Variants in LRP1B observed in about 807,000 individuals in gnomAD.
LRP1B encodes the protein LDL receptor related protein 1B.
Under a neutral mutation model 556.6 loss-of-function variants are expected in LRP1B, and 217 were observed. The observed-to-expected ratio is 0.39, with a 90% CI of 0.35 to 0.44. The LOEUF is 0.44. Ranked by LOEUF, LRP1B falls within the 20% of genes least tolerant of loss-of-function variation. LRP1B has a pLI of 1.00. For synonymous variants in LRP1B, 2,047 were observed against 1,865.8 expected (o/e 1.10, Z -2.50); for missense variants, 5,053 against 5,620.8 (o/e 0.90, Z 3.23).
At chr2:140,398,710 G>A (rs1320567930) in intron 66 of LRP1B, among the ~76,000 whole-genome samples, 1 of 152,120 alleles carries the variant, frequency 6.6e-6, no homozygotes, top group East Asian at 1.9e-4. Context: ...GAATTCTTAT[G>A]TAATTATATT....
intron 7 of LRP1B, among the ~76,000 whole-genome samples, chr2:141,106,230 A>T (rs566065742): frequency 3.3e-5 from 5 of 152,188 alleles, no homozygotes; most frequent in Non-Finnish European, 5.9e-5. Flanking sequence ...TGTCATCGAC[A>T]CTTCATTTTG....
At chr2:141,223,056 G>T (rs112431696) in intron 6 of LRP1B, among the ~76,000 whole-genome samples, 2,250 of 152,204 alleles carry the variant, frequency 0.015, 34 homozygotes, top group Middle Eastern at 0.034. Flanking sequence ...GCAAGAGAAA[G>T]AAATAAAGGG....
chr2:141,880,110 C>T (rs1698904869), intron 1 of LRP1B, among the ~76,000 whole-genome samples: 1 of 151,996 alleles, frequency 6.6e-6, no homozygotes, highest in Non-Finnish European at 1.5e-5. Context: ...TGCAACTTCT[C>T]CATATTCTCT....
intron 14 of LRP1B, among the ~76,000 whole-genome samples, chr2:141,012,595 C>T (rs1484478912): frequency 6.6e-6 from 1 of 151,834 alleles, no homozygotes; most frequent in African/African-American, 2.4e-5. Context: ...CTTTTATCAG[C>T]TATTGATATT....
In LRP1B at chr2:141,690,635, CT is replaced by C. The variant is rs1286629558; in HGVS notation, c.205+119643del. On this transcript the variant is annotated intron_variant, in intron 2 of 90. Transcript: ENST00000389484. Reference sequence around the variant, plus strand: ...CTGACATCAATAACTAGGGATTCTGCTCTTATCTTTGCTAATCCCATAATTA... The same window carrying C: ...CTGACATCAATAACTAGGGATTCTGCCTTATCTTTGCTAATCCCATAATTA... 5.3e-5 allele frequency among the ~76,000 whole-genome samples: 8 copies of C among 150,582 alleles called. No homozygotes were observed. The Admixed American group carries it at 5.3e-4, about 10-fold the overall frequency.
At chr2:140,647,950 A>G (rs1253364163) in intron 41 of LRP1B, among the ~76,000 whole-genome samples, 3 of 152,200 alleles carry the variant, frequency 2.0e-5, no homozygotes, top group Non-Finnish European at 4.4e-5. Context: ...CATATACCCA[A>G]AGGATTATAA....
At chr2:140,858,161 G>A (rs1013725706) in intron 27 of LRP1B, among the ~76,000 whole-genome samples, 1 of 152,020 alleles carries the variant, frequency 6.6e-6, no homozygotes, top group African/African-American at 2.4e-5. Context: ...AATAAACATT[G>A]TACAATTCAC....
At chr2:141,854,592 T>C (rs1347681410) in intron 1 of LRP1B, among the ~76,000 whole-genome samples, 1 of 152,024 alleles carries the variant, frequency 6.6e-6, no homozygotes, top group Non-Finnish European at 1.5e-5. Context: ...AACTAGTCCA[T>C]TGTCCATCAT....
At chr2:141,717,141 C>T (rs186761037) in intron 2 of LRP1B, among the ~76,000 whole-genome samples, 257 of 152,226 alleles carry the variant, frequency 1.7e-3, no homozygotes, top group South Asian at 0.017. Context: ...AAATTAATCT[C>T]TTGCCCAGCA....
intron 85 of LRP1B, among the ~76,000 whole-genome samples, chr2:140,270,750 G>A (rs530789780): frequency 1.3e-5 from 2 of 151,868 alleles, no homozygotes; most frequent in African/African-American, 2.4e-5. Flanking sequence ...CTGGAAAAAC[G>A]TGCTTTAGCT....
At chr2:140,538,566 T>TAG (rs11411670) in intron 45 of LRP1B, among the ~76,000 whole-genome samples, 1 of 146,696 alleles carries the variant, frequency 6.8e-6, no homozygotes, top group Non-Finnish European at 1.5e-5. Context: ...CAAAGATATA[T>TAG]TTCTTTTCTC....
chr2:141,406,872 A>T (rs903573464), intron 3 of LRP1B, among the ~76,000 whole-genome samples: 1 of 152,122 alleles, frequency 6.6e-6, no homozygotes, highest in Non-Finnish European at 1.5e-5. Context: ...TTTTAACATC[A>T]ACTTATCCTA....
chr2:141,133,223 T>C (rs1395783267), intron 7 of LRP1B, among the ~76,000 whole-genome samples: 1 of 150,902 alleles, frequency 6.6e-6, no homozygotes, highest in Non-Finnish European at 1.5e-5. Flanking sequence ...CAGAATCTCC[T>C]ACATCTTATT....
At chr2:141,028,595 T>C (rs1159202734) in intron 11 of LRP1B, among the ~76,000 whole-genome samples, 1 of 152,104 alleles carries the variant, frequency 6.6e-6, no homozygotes, top group Non-Finnish European at 1.5e-5. Context: ...GGAATTTCAG[T>C]AAAAACCAAA....
intron 7 of LRP1B, among the ~76,000 whole-genome samples, chr2:141,063,674 T>G (rs1699402681): frequency 6.6e-6 from 1 of 151,834 alleles, no homozygotes; most frequent in Non-Finnish European, 1.5e-5. Context: ...ATCTCTGTTT[T>G]CCTCACTTAT....
At position 141,055,187 on chromosome 2, in the gene LRP1B, C is replaced by T. The variant is rs1391544705; in HGVS notation, c.1481G>A (p.Ser494Asn). 6.2e-7 allele frequency: 1 copy of T among 1,612,318 alleles called. No homozygotes were observed. Among genetic ancestry groups the T allele is most frequent in the Admixed American group, 1.7e-5 (1 of 59,780 alleles). The change falls in exon 10 of 91, where the codon AGC becomes AAC. Residue 494 changes from serine (S) to asparagine (N), a missense_variant. Ser to Asn is a conservative substitution (Grantham distance 46, BLOSUM62 1). Coordinates refer to ENST00000389484, the MANE Select transcript of LRP1B (RefSeq NM_018557.3). ...GGCSHICLLS[S>N]SYKTRTCRCR... ...GCGACAAGTCCGAGTTTTGTAACTG[C>T]TGCTGAGTAGACAGATGTGTGAACA... is the stretch of plus-strand genomic sequence containing the variant.
intron 7 of LRP1B, among the ~76,000 whole-genome samples, chr2:141,090,964 G>A (rs903337280): frequency 3.3e-5 from 5 of 152,060 alleles, no homozygotes; most frequent in Non-Finnish European, 7.4e-5. Flanking sequence ...GTTTTCAATT[G>A]TATTATTTCT....
chr2:141,502,328 C>G (rs1251801080), intron 2 of LRP1B, among the ~76,000 whole-genome samples: 1 of 152,084 alleles, frequency 6.6e-6, no homozygotes, highest in Non-Finnish European at 1.5e-5. Context: ...AATCTAATAT[C>G]CTGGTCACCT....
intron 7 of LRP1B, among the ~76,000 whole-genome samples, chr2:141,132,081 A>C (rs1438677479): frequency 6.6e-6 from 1 of 152,138 alleles, no homozygotes; most frequent in East Asian, 1.9e-4. Flanking sequence ...TTGAGAACAT[A>C]TGATGCCCAA....
Sources: allele counts gnomAD v4.1 joint callset (sites outside exome capture counted in the v4.1 genomes callset), GRCh38; gene constraint gnomAD v4.1.1; transcripts MANE v1.5; gene names NCBI Gene and HGNC (gene_info 2026-07-23, HGNC 2026-07-21).